AASS: variants seen among roughly 807,000 people sequenced by gnomAD.
AASS encodes the protein alpha-aminoadipic semialdehyde synthase, mitochondrial.
In AASS, 86 loss-of-function variants were observed where a neutral mutation model predicts 105.4. That is an observed-to-expected ratio of 0.82 (90% CI 0.69 to 0.98). The LOEUF is 0.98. Ranked by LOEUF, AASS falls within the 50% of genes least tolerant of loss-of-function variation. The probability of loss-of-function intolerance (pLI) is 0.00; values close to 1 mark genes in which losing one functional copy is unlikely to be tolerated. For missense variants in AASS, 1,048 were observed against 1,143.2 expected (o/e 0.92, Z 1.20); for synonymous variants, 381 against 394.8 (o/e 0.96, Z 0.41).
rs747130831 is a variant in AASS, at chr7:122,093,143, T to A, written c.1671A>T (p.Val557=). 6.2e-7 allele frequency: 1 copy of A among 1,613,584 alleles called. No homozygotes were observed. Among genetic ancestry groups the A allele is most frequent in the South Asian group, 1.1e-5 (1 of 91,078 alleles). ...QDLVISLLPY[V]LHPLVAKACI... is the part of the protein sequence containing the mutation. Reference sequence around the variant, plus strand: ...AGGCCTTGGCCACAAGAGGGTGCAATACATAAGGCAACAAGCTTGAAAACA... The same window carrying A: ...AGGCCTTGGCCACAAGAGGGTGCAAAACATAAGGCAACAAGCTTGAAAACA... The change falls in exon 16 of 24, where the codon GTA becomes GTT. Residue 557 remains valine, a synonymous_variant. Transcript: ENST00000417368.
At chr7:122,079,991 A>G (rs1333984121) in intron 20 of AASS, among the ~76,000 whole-genome samples, 1 of 152,178 alleles carries the variant, frequency 6.6e-6, no homozygotes, top group African/African-American at 2.4e-5. Context: ...TTACCAGCAC[A>G]TTCCCTGTCT....
intron 15 of AASS, among the ~76,000 whole-genome samples, chr7:122,093,612 C>A (rs907910719): frequency 6.6e-6 from 1 of 152,028 alleles, no homozygotes; most frequent in Non-Finnish European, 1.5e-5. Flanking sequence ...GGAGTCGAGA[C>A]CAGCTTGGAC....
chr7:122,111,465 A>T (rs892009191), intron 11 of AASS, among the ~76,000 whole-genome samples: 21 of 152,330 alleles, frequency 1.4e-4, no homozygotes, highest in African/African-American at 4.8e-4. Context: ...GTCTGCAGGG[A>T]AATGATGCCA....
intron 15 of AASS, among the ~76,000 whole-genome samples, chr7:122,096,992 G>C (rs896641450): frequency 2.0e-5 from 3 of 151,926 alleles, no homozygotes; most frequent in Admixed American, 2.0e-4. Context: ...TCTTTTCATG[G>C]TAATATCAGA....
intron 1 of AASS, among the ~76,000 whole-genome samples, chr7:122,136,413 G>A (rs946568781): frequency 1.3e-5 from 2 of 152,092 alleles, no homozygotes. Context: ...ATGATTAGGA[G>A]TTTAGGCTTT....
At chr7:122,113,570 T>C in intron 10 of AASS, 28 bp downstream of exon 10, 1 of 1,611,962 alleles carries the variant, frequency 6.2e-7, no homozygotes, top group Non-Finnish European at 8.5e-7. Flanking sequence ...AAGTGAGGAA[T>C]ATCATCTAAC....
intron 10 of AASS, 32 bp downstream of exon 10, chr7:122,113,566 G>A (rs1194689034): frequency 6.2e-7 from 1 of 1,611,022 alleles, no homozygotes; most frequent in Admixed American, 1.7e-5. Context: ...AACTAAGTGA[G>A]GAATATCATC....
chr7:122,088,188 CTCTAGGTCCA>C (rs1477392346), intron 18 of AASS, among the ~76,000 whole-genome samples: 9 of 152,142 alleles, frequency 5.9e-5, no homozygotes, highest in Non-Finnish European at 7.4e-5. Context: ...TTGCAAGCTT[CTCTAGGTCCA>C]ACTCTTTCAC....
intron 3 of AASS, among the ~76,000 whole-genome samples, chr7:122,127,382 T>G (rs1346911172): frequency 6.6e-6 from 1 of 152,200 alleles, no homozygotes; most frequent in Non-Finnish European, 1.5e-5. Context: ...TGTTCATGAA[T>G]TTAAGAATGT....
chr7:122,126,480 T>A (rs751159153), intron 3 of AASS, 21 bp from the exon 4 acceptor site: 114 of 1,598,230 alleles, frequency 7.1e-5, no homozygotes, highest in Non-Finnish European at 9.3e-5. Flanking sequence ...GATAAAAAAA[T>A]TTCAACTGGA....
In AASS at chr7:122,086,022, A is replaced by C; in HGVS notation, c.2174T>G (p.Leu725Arg). ...AGTCCAGCTGCTTACCTTATATCTC[A>C]GTGTCCCCCGCAACAAAGTGTGAGC... is the stretch of plus-strand genomic sequence containing the variant. ...SSAHTLLRGT[L>R]RYKGYMKALN... is the part of the protein sequence containing the mutation. The change falls in exon 19 of 24, where the codon CTG becomes CGG. Residue 725 changes from leucine (L) to arginine (R), a missense_variant. Physicochemically the swap from Leu to Arg is moderately radical, Grantham distance 102. Coordinates refer to ENST00000417368, the MANE Select transcript of AASS (RefSeq NM_005763.4). 3.1e-6 allele frequency: 5 copies of C among 1,613,452 alleles called. No individual in the cohort carries two copies. Among genetic ancestry groups the C allele is most frequent in the Non-Finnish European group, 4.2e-6 (5 of 1,179,582 alleles).
At chr7:122,103,793 T>C (rs1794539214) in intron 11 of AASS, among the ~76,000 whole-genome samples, 1 of 151,764 alleles carries the variant, frequency 6.6e-6, no homozygotes, top group Non-Finnish European at 1.5e-5. Flanking sequence ...TGTGTATATA[T>C]ACTATATATA....
chr7:122,082,991 G>C (rs1458060303), intron 19 of AASS: 1 of 617,620 alleles, frequency 1.6e-6, no homozygotes, highest in Non-Finnish European at 2.7e-6. Flanking sequence ...TGGGAAGCAG[G>C]GTGAGAAGGC....
chr7:122,120,409 C>T (rs1220459909), intron 4 of AASS, among the ~76,000 whole-genome samples: 2 of 151,958 alleles, frequency 1.3e-5, no homozygotes, highest in Admixed American at 6.6e-5. Context: ...ATAGTGATGG[C>T]CCCCTAGTAT....
intron 18 of AASS, among the ~76,000 whole-genome samples, chr7:122,087,449 TTTC>T (rs1237595092): frequency 1.4e-4 from 22 of 152,306 alleles, no homozygotes; most frequent in African/African-American, 4.6e-4. Flanking sequence ...TCCATTTAAT[TTTC>T]TTGTGAACCC....
At chr7:122,102,474 G>A (rs955745831) in intron 11 of AASS, among the ~76,000 whole-genome samples, 1 of 151,980 alleles carries the variant, frequency 6.6e-6, no homozygotes, top group Non-Finnish European at 1.5e-5. Flanking sequence ...CTGGTGGACA[G>A]GGAAGAGCCA....
chr7:122,118,809 A>G (rs1795313587), intron 4 of AASS, among the ~76,000 whole-genome samples, 179 bp from the exon 5 acceptor site: 2 of 152,132 alleles, frequency 1.3e-5, no homozygotes, highest in African/African-American at 4.8e-5. Flanking sequence ...AAATGCACTA[A>G]CCCAAATGCA....
At chr7:122,108,032 T>C (rs1794751609) in intron 11 of AASS, among the ~76,000 whole-genome samples, 1 of 148,822 alleles carries the variant, frequency 6.7e-6, no homozygotes, top group African/African-American at 2.5e-5. Flanking sequence ...AAGAGAGCAT[T>C]ATGAACAATG....
chr7:122,118,247 C>T, intron 6 of AASS, 60 bp downstream of exon 6: 2 of 1,593,998 alleles, frequency 1.3e-6, no homozygotes, highest in Non-Finnish European at 8.6e-7. Context: ...CTGCCCACAT[C>T]ATTTGGGTTA....
Sources: allele counts gnomAD v4.1 joint callset (sites outside exome capture counted in the v4.1 genomes callset), GRCh38; gene constraint gnomAD v4.1.1; transcripts MANE v1.5; gene names NCBI Gene and HGNC (gene_info 2026-07-23, HGNC 2026-07-21).